Variants in KCNG3 observed in about 807,000 individuals in gnomAD.
The protein encoded by KCNG3 is voltage-gated potassium channel regulatory subunit KCNG3.
Under a neutral mutation model 29.0 loss-of-function variants are expected in KCNG3, and 15 were observed. The observed-to-expected ratio is 0.52, with a 90% CI of 0.35 to 0.80. KCNG3 has a LOEUF of 0.80. Among genes scored for constraint, KCNG3 ranks in the 30% least tolerant of loss-of-function variants. The probability of loss-of-function intolerance (pLI) is 0.01; values close to 1 mark genes in which losing one functional copy is unlikely to be tolerated. For missense variants in KCNG3, 512 were observed against 605.7 expected (o/e 0.85, Z 1.62); for synonymous variants, 322 against 248.9 (o/e 1.29, Z -2.76).
In KCNG3 at chr2:42,483,856, A is replaced by G. The variant is rs1371677489; in HGVS notation, c.665+8981T>C. Among the ~76,000 whole-genome samples, 5 of 152,182 alleles carry G rather than the reference A, an allele frequency of 3.3e-5. No homozygotes were observed. In the East Asian group the frequency reaches 5.8e-4, roughly 18 times the overall value. ...ACCCAAGCTGGAGTGCAGTGCCACA[A>G]TCACGGCTCATTGCAGCCTCTAACT... On this transcript the variant is annotated intron_variant, in intron 1 of 1. Coordinates refer to ENST00000306078, the MANE Select transcript of KCNG3 (RefSeq NM_133329.6).
At chr2:42,476,498 A>G (rs942637576) in intron 1 of KCNG3, among the ~76,000 whole-genome samples, 1 of 151,622 alleles carries the variant, frequency 6.6e-6, no homozygotes, top group South Asian at 2.1e-4. Flanking sequence ...AAAAAAAAAA[A>G]ATTTTTGAGA....
chr2:42,430,304 A>C, the KCNG3 span, among the ~76,000 whole-genome samples: 1 of 151,688 alleles, frequency 6.6e-6, no homozygotes, highest in Non-Finnish European at 1.5e-5. Context: ...GGAGGTTGAC[A>C]CTACAGTCAG....
chr2:42,405,678 G>C, the KCNG3 span, among the ~76,000 whole-genome samples: 1 of 152,026 alleles, frequency 6.6e-6, no homozygotes, highest in African/African-American at 2.4e-5. Flanking sequence ...CGCAATCTCA[G>C]CTCACTGAAA....
intron 1 of KCNG3, among the ~76,000 whole-genome samples, chr2:42,450,620 G>A (rs1672724839): frequency 6.6e-6 from 1 of 152,214 alleles, no homozygotes; most frequent in South Asian, 2.1e-4. Context: ...ATGAATGTAT[G>A]CCTAATAAAA....
chr2:42,400,569 T>A, the KCNG3 span, among the ~76,000 whole-genome samples: 9 of 152,164 alleles, frequency 5.9e-5, no homozygotes, highest in African/African-American at 2.2e-4. Context: ...GAAGCAGACC[T>A]AAGTTGGAGG....
intron 1 of KCNG3, among the ~76,000 whole-genome samples, chr2:42,480,449 T>A (rs1417423978): frequency 6.6e-6 from 1 of 152,214 alleles, no homozygotes; most frequent in Non-Finnish European, 1.5e-5. Context: ...AAGGGCCAGA[T>A]AGTAAATATT....
chr2:42,415,634 C>T, the KCNG3 span: 1 of 152,292 alleles, frequency 6.6e-6, no homozygotes, highest in African/African-American at 2.4e-5. Flanking sequence ...GCTACTACTG[C>T]ATAACTTAGT....
chr2:42,439,512 C>T (rs1672431380), downstream of KCNG3, among the ~76,000 whole-genome samples: 1 of 151,458 alleles, frequency 6.6e-6, no homozygotes, highest in Non-Finnish European at 1.5e-5. Context: ...ATCTGCCCAC[C>T]TTGGCCTCCC....
At chr2:42,445,987 G>A (rs770655776) in intron 1 of KCNG3, among the ~76,000 whole-genome samples, 20 of 151,274 alleles carry the variant, frequency 1.3e-4, no homozygotes, top group East Asian at 9.8e-4. Flanking sequence ...TCAGCCTCCC[G>A]AAGTGTCGGG....
intron 1 of KCNG3, among the ~76,000 whole-genome samples, chr2:42,487,451 A>G (rs1242469974): frequency 6.6e-6 from 1 of 150,694 alleles, no homozygotes; most frequent in Non-Finnish European, 1.5e-5. Flanking sequence ...TAATCTTCAA[A>G]CTAAGAAAGT....
chr2:42,444,387 G>A lies in KCNG3; in HGVS notation c.858C>T (p.Val286=). ...TCATCATTCTAAGTACCCTCAAGGT[G>A]ACTCCAGCCCTCTGGAGTTGAGAGT... The part of the protein sequence containing the change: ...GENSQLQRAG[V]TLRVLRMMRI... Residue 286 remains valine, a synonymous_variant, in exon 2 of 2, where the codon GTC becomes GTT. Transcript: ENST00000306078. This position sits in a 1 kb window ranked among gnomAD's most constrained non-coding sequence, Gnocchi z 5.8. 2 of 1,614,088 alleles carry A rather than the reference G, an allele frequency of 1.2e-6. No homozygotes were observed. The highest frequency in any genetic ancestry group is 1.7e-6 in the Non-Finnish European group (2 of 1,179,952).
At chr2:42,411,702 C>CGAGG in the KCNG3 span, among the ~76,000 whole-genome samples, 1 of 152,124 alleles carries the variant, frequency 6.6e-6, no homozygotes, top group Non-Finnish European at 1.5e-5. Context: ...AGGCTGGTCT[C>CGAGG]GAACTCCTGG....
At chr2:42,413,380 G>A in the KCNG3 span, among the ~76,000 whole-genome samples, 2 of 152,204 alleles carry the variant, frequency 1.3e-5, no homozygotes, top group Middle Eastern at 6.8e-3. Flanking sequence ...AGTGATCACA[G>A]ACATACCTGG....
At chr2:42,448,383 A>ATTTATTTT (rs1373691005) in intron 1 of KCNG3, among the ~76,000 whole-genome samples, 5 of 117,776 alleles carry the variant, frequency 4.2e-5, no homozygotes, top group Admixed American at 3.6e-4. Flanking sequence ...TTATTTATTT[A>ATTTATTTT]TTTTTTGTAT....
downstream of KCNG3, among the ~76,000 whole-genome samples, chr2:42,441,317 G>A (rs191963780): frequency 2.7e-4 from 41 of 152,204 alleles, no homozygotes; most frequent in South Asian, 4.2e-4. Flanking sequence ...GAGCCCAGGA[G>A]TTCAAAACTG....
chr2:42,429,048 G>C, the KCNG3 span, among the ~76,000 whole-genome samples: 16 of 152,170 alleles, frequency 1.1e-4, no homozygotes, highest in Non-Finnish European at 2.2e-4. Context: ...GAACCCAGGA[G>C]GGGGAGGTTG....
At chr2:42,404,889 G>A in the KCNG3 span, among the ~76,000 whole-genome samples, 1 of 152,104 alleles carries the variant, frequency 6.6e-6, no homozygotes, top group Admixed American at 6.5e-5. Context: ...ACTAGATATG[G>A]CACTGCTGAT....
chr2:42,452,773 GT>G, intron 1 of KCNG3, among the ~76,000 whole-genome samples: 1 of 105,374 alleles, frequency 9.5e-6, no homozygotes, highest in African/African-American at 3.8e-5. Context: ...TCAACTGGGT[GT>G]GTGTGTGTGT....
intron 1 of KCNG3, among the ~76,000 whole-genome samples, chr2:42,488,071 A>G (rs927053853): frequency 1.3e-5 from 2 of 152,226 alleles, no homozygotes; most frequent in Non-Finnish European, 2.9e-5. Flanking sequence ...ACCAAAAACT[A>G]GTAACTTTGG....
Sources: gnomAD v4.1 joint callset for allele counts (sites outside exome capture counted in the v4.1 genomes callset) on GRCh38, gnomAD v4.1.1 for gene constraint, Gnocchi (gnomAD v3.1) non-coding constraint, MANE v1.5 for transcripts, NCBI Gene and HGNC (gene_info 2026-07-23, HGNC 2026-07-21) for gene names.